Variants in THADA observed in about 807,000 individuals in gnomAD.
The protein encoded by THADA is THADA armadillo repeat containing, also known as tRNA (32-2'-O)-methyltransferase regulator THADA.
THADA carries 213 observed loss-of-function variants against 219.8 expected under a neutral mutation model. The observed-to-expected ratio is 0.97, with a 90% CI of 0.87 to 1.09. THADA has a LOEUF of 1.09. Among genes scored for constraint, THADA ranks in the 50% least tolerant of loss-of-function variants. THADA has a pLI of 0.00. For synonymous variants in THADA, 1,018 were observed against 828.9 expected (o/e 1.23, Z -3.92); for missense variants, 2,956 against 2,311.3 (o/e 1.28, Z -5.72).
At chr2:43,418,816 GAAGA>G (rs890562983) in intron 28 of THADA, among the ~76,000 whole-genome samples, 15 of 152,268 alleles carry the variant, frequency 9.9e-5, no homozygotes, top group Non-Finnish European at 1.6e-4. Flanking sequence ...AGAAGCCACA[GAAGA>G]AAGAACTCAA....
At chr2:43,400,476 T>TATATATAA (rs903186497) in intron 28 of THADA, among the ~76,000 whole-genome samples, 10 of 144,448 alleles carry the variant, frequency 6.9e-5, no homozygotes, top group African/African-American at 2.5e-4. Context: ...TATATATATA[T>TATATATAA]AAATATATAC....
chr2:43,557,617 G>C (rs1697538287), intron 16 of THADA, among the ~76,000 whole-genome samples: 1 of 152,196 alleles, frequency 6.6e-6, no homozygotes. Flanking sequence ...ACAAAGGACA[G>C]TTTGCTGTTG....
In THADA at chr2:43,541,269, A is replaced by G; in HGVS notation, c.3154T>C (p.Cys1052Arg). The G allele has an allele frequency of 6.2e-7, 1 of 1,612,974 alleles. No homozygotes were observed. Among genetic ancestry groups the G allele is most frequent in the Non-Finnish European group, 8.5e-7 (1 of 1,179,530 alleles). The change falls in exon 21 of 38, where the codon TGT (cysteine) becomes CGT (arginine). Residue 1052 changes from cysteine (C) to arginine (R), a missense_variant. Physicochemically the swap from Cys to Arg is radical, Grantham distance 180. Coordinates refer to ENST00000405975, the MANE Select transcript of THADA (RefSeq NM_022065.5). ...CDVTAQMVLV[C>R]CWRSMKEVAL... ...ACTTCCTTCATACTTCTCCAACAAC[A>G]TACCAGCACCATCTGCGCAGTTACA...
chr2:43,403,803 A>C lies in THADA; in HGVS notation c.4059-5664T>G, dbSNP rs546087301. On this transcript the variant is annotated intron_variant, in intron 28 of 37. Coordinates refer to ENST00000405975, the MANE Select transcript of THADA (RefSeq NM_022065.5). ...GAGCTGGTATGAGTTCAAAAAAGCT[A>C]TGTCTGACCCTGACCCCACACCCCC... is the stretch of plus-strand genomic sequence containing the variant. Among the ~76,000 whole-genome samples, 9 of 152,146 alleles carry C rather than the reference A, an allele frequency of 5.9e-5. No homozygotes were observed. The South Asian group carries it at 1.9e-3, about 32-fold the overall frequency.
intron 30 of THADA, among the ~76,000 whole-genome samples, chr2:43,331,925 A>G (rs1665823643): frequency 6.6e-6 from 1 of 151,740 alleles, no homozygotes; most frequent in Non-Finnish European, 1.5e-5. Flanking sequence ...TAATACACAC[A>G]CACACACACA....
chr2:43,434,609 C>T (rs113206284), intron 26 of THADA, among the ~76,000 whole-genome samples: 6 of 152,190 alleles, frequency 3.9e-5, no homozygotes, highest in Admixed American at 1.3e-4. Context: ...CATCGACTGG[C>T]GAAACAATGA....
At chr2:43,247,036 C>A (rs750691885) in intron 36 of THADA, among the ~76,000 whole-genome samples, 2 of 152,150 alleles carry the variant, frequency 1.3e-5, no homozygotes, top group Admixed American at 1.3e-4. Flanking sequence ...CAAACTGTTG[C>A]GGGATGGATT....
intron 28 of THADA, among the ~76,000 whole-genome samples, chr2:43,414,500 C>G (rs1182201472): frequency 6.6e-6 from 1 of 152,124 alleles, no homozygotes; most frequent in East Asian, 1.9e-4. Context: ...GAATGAACCA[C>G]CAAAATGAAG....
intron 20 of THADA, among the ~76,000 whole-genome samples, chr2:43,543,688 G>A (rs531948037): frequency 6.6e-6 from 1 of 152,188 alleles, no homozygotes; most frequent in South Asian, 2.1e-4. Context: ...GAGAAGTTCT[G>A]TTCATGTCCT....
intron 36 of THADA, among the ~76,000 whole-genome samples, chr2:43,242,090 C>T (rs975079831): frequency 6.6e-6 from 1 of 152,258 alleles, no homozygotes; most frequent in Non-Finnish European, 1.5e-5. Flanking sequence ...TGGTGTTTCT[C>T]AGCCCACTGG....
At chr2:43,526,724 C>A (rs1441564267) in intron 22 of THADA, among the ~76,000 whole-genome samples, 1 of 152,100 alleles carries the variant, frequency 6.6e-6, no homozygotes, top group Non-Finnish European at 1.5e-5. Context: ...TCACAACATA[C>A]CTTTTGTTAA....
intron 29 of THADA, among the ~76,000 whole-genome samples, chr2:43,397,655 CA>C (rs919969272): frequency 6.6e-6 from 1 of 151,608 alleles, no homozygotes; most frequent in Non-Finnish European, 1.5e-5. Flanking sequence ...GAATGTTTTG[CA>C]GGCATACTTG....
chr2:43,582,691 TCC>T (rs1037062049), intron 7 of THADA, among the ~76,000 whole-genome samples: 1 of 148,174 alleles, frequency 6.7e-6, no homozygotes, highest in African/African-American at 2.5e-5. Flanking sequence ...TGCCTCATCC[TCC>T]CAAGTAGCTG....
At position 43,237,028 on chromosome 2, in the gene THADA, C is replaced by T. The variant is rs191311551; in HGVS notation, c.5297-4146G>A. 8.3e-5 allele frequency among the ~76,000 whole-genome samples: 12 copies of T among 145,084 alleles called. No homozygotes were observed. In the East Asian group the frequency reaches 1.8e-3, roughly 22 times the overall value. On this transcript the variant is annotated intron_variant, in intron 36 of 37. Coordinates refer to ENST00000405975, the MANE Select transcript of THADA (RefSeq NM_022065.5). ...CGGAGCTTGCAGTGAGCCGAGATCGCGCCACTGCACACCAGCCTGGGTGAT... is the reference window on the plus strand; with the variant it reads ...CGGAGCTTGCAGTGAGCCGAGATCGTGCCACTGCACACCAGCCTGGGTGAT...
intron 21 of THADA, among the ~76,000 whole-genome samples, chr2:43,535,547 G>A (rs1009353214): frequency 6.6e-6 from 1 of 151,214 alleles, no homozygotes; most frequent in Non-Finnish European, 1.5e-5. Flanking sequence ...CAGGCAGGGT[G>A]GCACATGCTT....
At chr2:43,586,485 A>T (rs1256025250) in intron 6 of THADA, 36 bp from the exon 7 acceptor site, 2 of 1,497,622 alleles carry the variant, frequency 1.3e-6, no homozygotes, top group South Asian at 2.6e-5. Context: ...AAGAATTTAA[A>T]ACTGTGAAGC....
chr2:43,453,737 CAG>C (rs1166462913), intron 26 of THADA, among the ~76,000 whole-genome samples: 1 of 152,178 alleles, frequency 6.6e-6, no homozygotes, highest in Non-Finnish European at 1.5e-5. Flanking sequence ...TGAAATTACA[CAG>C]AGTCAGACTT....
intron 29 of THADA, among the ~76,000 whole-genome samples, chr2:43,348,647 G>A (rs932120553): frequency 6.6e-6 from 1 of 152,130 alleles, no homozygotes; most frequent in Non-Finnish European, 1.5e-5. Context: ...TGCAGAGGCA[G>A]GGCTTGGCAA....
chr2:43,494,863 CG>C (rs1688075779), intron 25 of THADA, among the ~76,000 whole-genome samples: 1 of 152,108 alleles, frequency 6.6e-6, no homozygotes, highest in Non-Finnish European at 1.5e-5. Flanking sequence ...GGTTTCAATA[CG>C]AAAGACTAAG....
Sources: allele counts gnomAD v4.1 joint callset (sites outside exome capture counted in the v4.1 genomes callset), GRCh38; gene constraint gnomAD v4.1.1; transcripts MANE v1.5; gene names NCBI Gene and HGNC (gene_info 2026-07-23, HGNC 2026-07-21).